Variants in RAPGEF6 observed in about 807,000 individuals in gnomAD.
RAPGEF6 encodes PDZ domain containing guanine nucleotide exchange factor (GEF) 2.
RAPGEF6 carries 56 observed loss-of-function variants against 171.4 expected under a neutral mutation model. The observed-to-expected ratio is 0.33, with a 90% confidence interval of 0.26 to 0.41. The LOEUF is 0.41. Among genes scored for constraint, RAPGEF6 ranks in the 10% least tolerant of loss-of-function variants. The pLI, the probability that RAPGEF6 is intolerant of heterozygous loss-of-function variation, is 1.00. For missense variants in RAPGEF6, 1,674 were observed against 1,921.4 expected (o/e 0.87, Z 2.41); for synonymous variants, 692 against 650.1 (o/e 1.06, Z -0.98).
intron 11 of RAPGEF6, among the ~76,000 whole-genome samples, chr5:131,501,336 CAAA>C (rs1439021234): frequency 1.2e-5 from 1 of 83,838 alleles, no homozygotes. Flanking sequence ...ACTTTGTCTC[CAAA>C]AAAAAAAAAA....
chr5:131,500,353 G>A (rs1490650263), intron 11 of RAPGEF6, among the ~76,000 whole-genome samples: 1 of 152,068 alleles, frequency 6.6e-6, no homozygotes, highest in African/African-American at 2.4e-5. Context: ...TATTACTCAG[G>A]CCAATCCTGG....
intron 16 of RAPGEF6, among the ~76,000 whole-genome samples, chr5:131,476,633 G>T (rs777941701): frequency 6.6e-6 from 1 of 151,966 alleles, no homozygotes; most frequent in Non-Finnish European, 1.5e-5. Context: ...GCTAATTTTT[G>T]TAGTTCTCTT....
rs139780851 is a variant in RAPGEF6, at chr5:131,443,451, C to G, written c.3422-914G>C. ...GAGGGTCAAGTTAACATTCTCTCAC[C>G]TTTACTACTGAAATACTTTTCTCAC... On this transcript the variant is annotated intron_variant, in intron 22 of 27. Transcript: ENST00000509018. Among the ~76,000 whole-genome samples, 496 of 152,286 alleles carry G rather than the reference C, an allele frequency of 3.3e-3. 6 individuals are homozygous for G. Among genetic ancestry groups the G allele is most frequent in the African/African-American group, 0.011 (475 of 41,560 alleles).
chr5:131,466,095 CAAAAA>C (rs769107975), intron 17 of RAPGEF6, among the ~76,000 whole-genome samples: 5 of 50,876 alleles, frequency 9.8e-5, no homozygotes, highest in Admixed American at 4.0e-4. Flanking sequence ...GACTGAGGAC[CAAAAA>C]AAAAAAAAAA....
intron 4 of RAPGEF6, among the ~76,000 whole-genome samples, chr5:131,588,820 C>A (rs147167115): frequency 0.01 from 1,527 of 152,022 alleles, 54 homozygotes; most frequent in East Asian, 0.095. Flanking sequence ...CACCTGTAAT[C>A]CTAGCACTCT....
intron 23 of RAPGEF6, among the ~76,000 whole-genome samples, chr5:131,441,496 A>T (rs1752383131): frequency 6.6e-6 from 1 of 152,170 alleles, no homozygotes; most frequent in East Asian, 1.9e-4. Flanking sequence ...CCAATCTTTT[A>T]GGCTGCTTAG....
At chr5:131,444,299 A>G (rs1053051769) in intron 22 of RAPGEF6, among the ~76,000 whole-genome samples, 3 of 152,232 alleles carry the variant, frequency 2.0e-5, no homozygotes, top group South Asian at 2.1e-4. Context: ...ATTGAATCCA[A>G]GAGGTTATCA....
chr5:131,613,677 T>C (rs191899186), intron 1 of RAPGEF6, among the ~76,000 whole-genome samples: 1 of 152,284 alleles, frequency 6.6e-6, no homozygotes, highest in African/African-American at 2.4e-5. Flanking sequence ...TGTTAGCTCC[T>C]GAAACATATG....
intron 22 of RAPGEF6, among the ~76,000 whole-genome samples, chr5:131,445,582 C>A (rs746530691): frequency 3.3e-5 from 5 of 150,876 alleles, no homozygotes; most frequent in Admixed American, 6.6e-5. Flanking sequence ...TCTGTGTGTG[C>A]GCGCGTATTT....
chr5:131,507,852 T>C (rs2149892092), intron 9 of RAPGEF6, among the ~76,000 whole-genome samples: 1 of 152,316 alleles, frequency 6.6e-6, no homozygotes, highest in East Asian at 1.9e-4. Context: ...GCACTGACTT[T>C]GTGCAGAGTC....
chr5:131,590,340 T>G (rs1763514564), intron 4 of RAPGEF6, among the ~76,000 whole-genome samples: 1 of 152,172 alleles, frequency 6.6e-6, no homozygotes, highest in Non-Finnish European at 1.5e-5. Context: ...CAGGTTGCAG[T>G]GAGCCAAGAT....
intron 3 of RAPGEF6, among the ~76,000 whole-genome samples, chr5:131,593,955 T>A (rs1042860654): frequency 1.3e-5 from 2 of 152,234 alleles, no homozygotes; most frequent in Non-Finnish European, 2.9e-5. Flanking sequence ...AACCCCATTC[T>A]CTGGGGAGAA....
At chr5:131,480,698 C>T (rs1755412276) in intron 15 of RAPGEF6, among the ~76,000 whole-genome samples, 1 of 152,092 alleles carries the variant, frequency 6.6e-6, no homozygotes, top group Non-Finnish European at 1.5e-5. Flanking sequence ...AGACTGGTCT[C>T]GAACTCCTGA....
chr5:131,604,788 T>A (rs1202221875), intron 1 of RAPGEF6, 95 bp from the exon 2 acceptor site: 1 of 1,394,846 alleles, frequency 7.2e-7, no homozygotes, highest in African/African-American at 1.5e-5. Flanking sequence ...AACAACCACT[T>A]ATGGCAAAGC....
At chr5:131,616,708 C>A (rs1210791372) in intron 1 of RAPGEF6, among the ~76,000 whole-genome samples, 1 of 152,164 alleles carries the variant, frequency 6.6e-6, no homozygotes, top group East Asian at 1.9e-4. Flanking sequence ...TCACGACTCA[C>A]TGCAGCCTCA....
intron 8 of RAPGEF6, among the ~76,000 whole-genome samples, chr5:131,509,338 T>C (rs1265415672): frequency 7.9e-5 from 12 of 152,000 alleles, no homozygotes; most frequent in African/African-American, 2.4e-5. Context: ...GGTCAGGAGA[T>C]CGAGACCATC....
In RAPGEF6 at chr5:131,617,926, AAAC is replaced by A. The variant is rs1765371100; in HGVS notation, c.70-13236_70-13234del. Among the ~76,000 whole-genome samples, 3 of 152,354 alleles carry A rather than the reference AAAC, an allele frequency of 2.0e-5. No homozygotes were observed. In the South Asian group the frequency reaches 6.2e-4, roughly 32 times the overall value. ...TTGATTTTCTCATTCATGGAGGTAT[AAAC>A]AACATTCGGCAAAATGGCAGTAAAG... On this transcript the variant is annotated intron_variant, in intron 1 of 27. Transcript: ENST00000509018.
In RAPGEF6 at chr5:131,439,733, G is replaced by T. The variant is rs1336941811; in HGVS notation, c.3611-18C>A. 9.3e-6 allele frequency: 15 copies of T among 1,607,284 alleles called. No homozygotes were observed. Among genetic ancestry groups the T allele is most frequent in the African/African-American group, 1.3e-5 (1 of 74,630 alleles). ...ACTTGTATCTAAAAATAAAACCAAAGATGCAAATAAGCATCGTTTCACAAT... is the reference window on the plus strand; with the variant it reads ...ACTTGTATCTAAAAATAAAACCAAATATGCAAATAAGCATCGTTTCACAAT... On this transcript the variant is annotated intron_variant, in intron 23 of 27. Transcript: ENST00000509018.
chr5:131,439,076 A>G (rs1325310358), intron 24 of RAPGEF6, among the ~76,000 whole-genome samples: 1 of 152,028 alleles, frequency 6.6e-6, no homozygotes, highest in African/African-American at 2.4e-5. Flanking sequence ...GCACACCACC[A>G]TGCCTAAGTT....
Sources: allele counts gnomAD v4.1 joint callset (sites outside exome capture counted in the v4.1 genomes callset), GRCh38; gene constraint gnomAD v4.1.1; transcripts MANE v1.5; gene names NCBI Gene and HGNC (gene_info 2026-07-23, HGNC 2026-07-21).